DPP10: variants seen among roughly 807,000 people sequenced by gnomAD.
DPP10 encodes the protein inactive dipeptidyl peptidase 10.
In DPP10, 33 loss-of-function variants were observed where a neutral mutation model predicts 120.9. That is an observed-to-expected ratio of 0.27 (90% CI 0.21 to 0.37). DPP10 has a LOEUF of 0.37. Among genes scored for constraint, DPP10 ranks in the 10% least tolerant of loss-of-function variants. DPP10 has a pLI of 1.00. For synonymous variants in DPP10, 337 were observed against 326.1 expected (o/e 1.03, Z -0.36); for missense variants, 816 against 942.8 (o/e 0.87, Z 1.76).
chr2:115,437,190 G>A (rs1046729510), intron 3 of DPP10, among the ~76,000 whole-genome samples: 8 of 151,960 alleles, frequency 5.3e-5, no homozygotes, highest in Non-Finnish European at 8.8e-5. Flanking sequence ...ATGGATAATA[G>A]GGTGAAGACA....
chr2:115,436,545 A>T (rs1050064878), intron 3 of DPP10, among the ~76,000 whole-genome samples: 1 of 151,832 alleles, frequency 6.6e-6, no homozygotes, highest in Non-Finnish European at 1.5e-5. Flanking sequence ...TGTTCATTGG[A>T]TTCTTAAGCA....
intron 3 of DPP10, among the ~76,000 whole-genome samples, chr2:115,379,301 A>G (rs1471636358): frequency 2.0e-5 from 3 of 152,224 alleles, no homozygotes; most frequent in African/African-American, 7.2e-5. Context: ...GTGTCGAGGA[A>G]TTTATCTATT....
At chr2:115,025,097 A>G (rs1165025268) in intron 1 of DPP10, among the ~76,000 whole-genome samples, 2 of 152,024 alleles carry the variant, frequency 1.3e-5, no homozygotes, top group African/African-American at 4.8e-5. Flanking sequence ...ACTATCGAAC[A>G]TTAGGTCTTA....
Position 115,573,254 on chromosome 2 carries a change from C to T in DPP10, c.441+47282C>T, listed in dbSNP as rs1445511031. Among the ~76,000 whole-genome samples, 4 of 150,108 alleles carry T rather than the reference C, an allele frequency of 2.7e-5. No individual in the cohort carries two copies. The East Asian group carries it at 5.9e-4, about 22-fold the overall frequency. ...CTAGCCCTGCAGGACATACAGACTGCATGAAGCCCAGGCTTCCTGGGATTT... is the reference window on the plus strand; with the variant it reads ...CTAGCCCTGCAGGACATACAGACTGTATGAAGCCCAGGCTTCCTGGGATTT... On this transcript the variant is annotated intron_variant, in intron 5 of 25. Coordinates refer to ENST00000410059, the MANE Select transcript of DPP10 (RefSeq NM_020868.6).
intron 1 of DPP10, among the ~76,000 whole-genome samples, chr2:114,761,168 T>C (rs1255208292): frequency 2.0e-5 from 3 of 152,212 alleles, no homozygotes; most frequent in Non-Finnish European, 4.4e-5. Flanking sequence ...CTTTGTGCTT[T>C]TCTTTCTGCC....
chr2:114,923,535 A>G (rs1280301652), intron 1 of DPP10, among the ~76,000 whole-genome samples: 3 of 124,566 alleles, frequency 2.4e-5, no homozygotes, highest in African/African-American at 3.2e-5. Flanking sequence ...CTAGAGTGCA[A>G]TGGCGTGATC....
rs556125034 is a variant in DPP10, at chr2:115,394,996, A to G, written c.271+51084A>G. On this transcript the variant is annotated intron_variant, in intron 3 of 25. Coordinates refer to ENST00000410059, the MANE Select transcript of DPP10 (RefSeq NM_020868.6). ...GTTCTCCTAATGCATACCTCCTATC[A>G]TTGTAGACAAAAGTTTATGTTCTCA... Among the ~76,000 whole-genome samples the G allele has an allele frequency of 6.9e-4, 105 of 152,374 alleles. 1 individual carries two copies. The highest frequency in any genetic ancestry group is 2.4e-3 in the African/African-American group (98 of 41,584).
intron 1 of DPP10, among the ~76,000 whole-genome samples, chr2:114,727,240 T>G (rs1210709931): frequency 2.0e-5 from 3 of 152,116 alleles, no homozygotes; most frequent in Non-Finnish European, 4.4e-5. Context: ...GTGGTGGAAG[T>G]GAGCCTGTGA....
At position 115,845,172 on chromosome 2, in the gene DPP10, T is replaced by C. The variant is rs1690515662; in HGVS notation, c.*2827T>C. On this transcript the variant is annotated 3_prime_UTR_variant, in exon 26 of 26. Coordinates refer to ENST00000410059, the MANE Select transcript of DPP10 (RefSeq NM_020868.6). Reference sequence around the variant, plus strand: ...GGAGACAGAAGTACCTTGGACTGAATTGCTTTCAAGTCTCTAGAATCACTG... The same window carrying C: ...GGAGACAGAAGTACCTTGGACTGAACTGCTTTCAAGTCTCTAGAATCACTG... 6.6e-6 allele frequency: 1 copy of C among 152,212 alleles called. No homozygotes were observed. Among genetic ancestry groups the C allele is most frequent in the Non-Finnish European group, 1.5e-5 (1 of 68,042 alleles). 9.4% of individuals were successfully genotyped at this position (152,212 alleles called of 1,614,324 possible). A position where few individuals can be genotyped will look rare whatever the true frequency, so the allele number is the denominator to read the frequency against.
At chr2:114,852,320 A>C (rs1689012026) in intron 1 of DPP10, among the ~76,000 whole-genome samples, 1 of 151,840 alleles carries the variant, frequency 6.6e-6, no homozygotes, top group African/African-American at 2.4e-5. Context: ...CTTTCATTAT[A>C]GTACACTCAG....
intron 5 of DPP10, among the ~76,000 whole-genome samples, chr2:115,549,651 T>C (rs1444324293): frequency 1.3e-5 from 2 of 152,174 alleles, no homozygotes; most frequent in Non-Finnish European, 2.9e-5. Context: ...ATAGCCAATG[T>C]ATCTTACTTC....
chr2:115,007,692 C>A (rs1337618807), intron 1 of DPP10, among the ~76,000 whole-genome samples: 3 of 151,704 alleles, frequency 2.0e-5, no homozygotes, highest in Non-Finnish European at 4.4e-5. Flanking sequence ...TGTCTCAGCC[C>A]GAAATCTCCT....
chr2:115,736,261 T>C (rs1676489995), intron 8 of DPP10, among the ~76,000 whole-genome samples: 1 of 152,144 alleles, frequency 6.6e-6, no homozygotes. Flanking sequence ...CCTAGATCTG[T>C]ACCTCATGGC....
chr2:115,193,017 C>G (rs1324235816), intron 1 of DPP10, among the ~76,000 whole-genome samples: 1 of 151,722 alleles, frequency 6.6e-6, no homozygotes, highest in Non-Finnish European at 1.5e-5. Context: ...AATCCACATT[C>G]TTATGCCTCC....
intron 1 of DPP10, among the ~76,000 whole-genome samples, chr2:115,069,556 A>G (rs1376035723): frequency 2.0e-5 from 3 of 152,116 alleles, no homozygotes; most frequent in Non-Finnish European, 4.4e-5. Flanking sequence ...CCTTACAGAA[A>G]TCACAGTTTT....
intron 1 of DPP10, among the ~76,000 whole-genome samples, chr2:114,717,611 G>A (rs1224781301): frequency 6.6e-6 from 1 of 152,130 alleles, no homozygotes; most frequent in Non-Finnish European, 1.5e-5. Flanking sequence ...TATATTCTTG[G>A]AGAATTTTTA....
intron 1 of DPP10, among the ~76,000 whole-genome samples, chr2:114,961,460 T>C (rs1483412610): frequency 1.3e-5 from 2 of 151,740 alleles, no homozygotes; most frequent in Non-Finnish European, 2.9e-5. Flanking sequence ...TGTGTGTGTG[T>C]GTGTGTGTGT....
intron 1 of DPP10, among the ~76,000 whole-genome samples, chr2:114,990,587 C>T (rs1700700373): frequency 6.6e-6 from 1 of 151,974 alleles, no homozygotes; most frequent in Non-Finnish European, 1.5e-5. Flanking sequence ...TATTTTTATA[C>T]CCCAACAGTT....
At chr2:115,555,229 C>T (rs1036478846) in intron 5 of DPP10, among the ~76,000 whole-genome samples, 4 of 152,046 alleles carry the variant, frequency 2.6e-5, no homozygotes, top group Non-Finnish European at 4.4e-5. Flanking sequence ...TTCCTGGAAA[C>T]TTAGAACATG....
Sources: gnomAD v4.1 joint callset for allele counts (sites outside exome capture counted in the v4.1 genomes callset) on GRCh38, gnomAD v4.1.1 for gene constraint, MANE v1.5 for transcripts, NCBI Gene and HGNC (gene_info 2026-07-23, HGNC 2026-07-21) for gene names.